The following ZNF236 variants were observed in gnomAD, a reference collection of about 807,000 sequenced individuals.
ZNF236 encodes the protein regulated by glucose.
In ZNF236, 50 loss-of-function variants were observed where a neutral mutation model predicts 191.2. That is an observed-to-expected ratio of 0.26 (90% CI 0.21 to 0.33). ZNF236 has a LOEUF of 0.33. ZNF236 is among the 10% of genes least tolerant of loss of function. The probability of loss-of-function intolerance (pLI) is 1.00; values close to 1 mark genes in which losing one functional copy is unlikely to be tolerated. For missense variants in ZNF236, 1,754 were observed against 2,374.5 expected, an observed-to-expected ratio of 0.74 and a Z score of 5.43; for synonymous variants, 907 against 928.8, an observed-to-expected ratio of 0.98 and a Z score of 0.43.
chr18:76,824,737 C>T (rs1974968812), intron 1 of ZNF236, among the ~76,000 whole-genome samples: 1 of 152,170 alleles, frequency 6.6e-6, no homozygotes, highest in South Asian at 2.1e-4. Context: ...AAGAATTATT[C>T]TATTTCTTTT....
chr18:76,868,280 G>A (rs929424821), intron 3 of ZNF236, among the ~76,000 whole-genome samples: 1 of 152,114 alleles, frequency 6.6e-6, no homozygotes, highest in Non-Finnish European at 1.5e-5. Flanking sequence ...TTTCAAGGTC[G>A]TCTCTTAAAC....
At chr18:76,905,026 T>G (rs1024683309) in intron 12 of ZNF236, 129 bp from the exon 13 acceptor site, 107 of 1,008,632 alleles carry the variant, frequency 1.1e-4, no homozygotes, top group Non-Finnish European at 1.5e-4. Context: ...TGTGGAGAGC[T>G]CCGGCATTGC....
chr18:76,833,254 G>A (rs1975224583), intron 1 of ZNF236, among the ~76,000 whole-genome samples: 1 of 152,128 alleles, frequency 6.6e-6, no homozygotes, highest in Non-Finnish European at 1.5e-5. Flanking sequence ...AATAAATGCG[G>A]TGAATAAGGG....
At position 76,880,032 on chromosome 18, in the gene ZNF236, G is replaced by C; in HGVS notation, c.985-81G>C. Reference sequence around the variant, plus strand: ...TTTTAACACCCTTAAGGAGGGTATTGCCTGTTTTTTTTTTTTTAATTTTCC... The same window carrying C: ...TTTTAACACCCTTAAGGAGGGTATTCCCTGTTTTTTTTTTTTTAATTTTCC... On this transcript the variant is annotated intron_variant, in intron 7 of 30. Coordinates refer to ENST00000320610, the MANE Select transcript of ZNF236 (RefSeq NM_001306089.2). The surrounding 1 kb of genome is among the most constrained non-coding windows in gnomAD (Gnocchi z 5.0). 9.4e-7 allele frequency: 1 copy of C among 1,067,128 alleles called. No individual in the cohort carries two copies. Among genetic ancestry groups the C allele is most frequent in the Non-Finnish European group, 1.3e-6 (1 of 770,946 alleles). 66.1% of individuals were successfully genotyped at this position (1,067,128 alleles called of 1,614,324 possible).
rs556829795 is a variant in ZNF236 at position 76,856,213 on chromosome 18, A to G, written c.363+4274A>G. ...TCTTTTCTTTTTTTTTTTTTGAGAC[A>G]GAGTTTTGCTCTGTTGCCCAGGCTA... On this transcript the variant is annotated intron_variant, in intron 3 of 30. Coordinates refer to ENST00000320610, the MANE Select transcript of ZNF236 (RefSeq NM_001306089.2). Among the ~76,000 whole-genome samples, 6 of 150,830 alleles carry G rather than the reference A, an allele frequency of 4.0e-5. No individual in the cohort carries two copies. In the East Asian group the frequency reaches 1.2e-3, roughly 29 times the overall value.
intron 13 of ZNF236, 127 bp downstream of exon 13, chr18:76,905,542 CAAGAAAAAAAAAAAAAAAAAAAAAAA>C (rs140853503): frequency 0.83 from 682,191 of 817,754 alleles, 276,300 homozygotes; most frequent in East Asian, 0.92. Context: ...TATATGGGCT[CAAGAAAAAAAAAAAAAAAAAAAAAAA>C]AAGAAATGTA....
chr18:76,891,086 G>A (rs1308103138), intron 9 of ZNF236, among the ~76,000 whole-genome samples: 1 of 152,124 alleles, frequency 6.6e-6, no homozygotes, highest in Non-Finnish European at 1.5e-5. Flanking sequence ...AAGTCTTCTG[G>A]TCAACAGGAG....
intron 1 of ZNF236, among the ~76,000 whole-genome samples, chr18:76,842,924 G>T (rs773476597): frequency 2.0e-5 from 3 of 152,108 alleles, no homozygotes; most frequent in Non-Finnish European, 2.9e-5. Context: ...AGTCTTCTCT[G>T]GCTCTCCCAA....
intron 5 of ZNF236, among the ~76,000 whole-genome samples, chr18:76,873,122 G>A (rs549801345): frequency 6.6e-6 from 1 of 152,192 alleles, no homozygotes; most frequent in Non-Finnish European, 1.5e-5. Flanking sequence ...CAGCTTTAAT[G>A]TGTAGTCTTT....
intron 1 of ZNF236, among the ~76,000 whole-genome samples, chr18:76,833,648 A>T (rs1243172421): frequency 6.6e-6 from 1 of 151,924 alleles, no homozygotes; most frequent in African/African-American, 2.4e-5. Flanking sequence ...CTACAATTTT[A>T]TTTTTTTATA....
At chr18:76,910,959 A>G (rs1438831044) in intron 16 of ZNF236, 148 bp downstream of exon 16, 5 of 846,538 alleles carry the variant, frequency 5.9e-6, no homozygotes, top group Non-Finnish European at 8.8e-6. Flanking sequence ...TACCTGGGAA[A>G]TCCTCAGTGT....
chr18:76,967,099 G>A (rs1474717291), intron 30 of ZNF236, among the ~76,000 whole-genome samples: 134 of 77,020 alleles, frequency 1.7e-3, no homozygotes, highest in Non-Finnish European at 2.7e-3. Flanking sequence ...GATGTGATTC[G>A]TGAGATGTGT....
At position 76,880,902 on chromosome 18, in the gene ZNF236, C is replaced by T. The variant is rs1180725542; in HGVS notation, c.1189-382C>T. 2.6e-5 allele frequency among the ~76,000 whole-genome samples: 4 copies of T among 152,146 alleles called. No individual in the cohort carries two copies. Among genetic ancestry groups the T allele is most frequent in the African/African-American group, 9.7e-5 (4 of 41,430 alleles). The stretch of plus-strand genomic sequence containing the variant: ...AGCTGGCCAGGGGTATGAGGAATCT[C>T]AGGGTGTCGTTCTACAGCCGATACC... On this transcript the variant is annotated intron_variant, in intron 8 of 30. Transcript: ENST00000320610. This position sits in a 1 kb window ranked among gnomAD's most constrained non-coding sequence, Gnocchi z 5.0.
At chr18:76,941,124 G>A (rs762585946) in intron 26 of ZNF236, among the ~76,000 whole-genome samples, 1 of 152,188 alleles carries the variant, frequency 6.6e-6, no homozygotes, top group Non-Finnish European at 1.5e-5. Context: ...CAAAAAGGGT[G>A]GGGACTGCTG....
At chr18:76,824,423 T>C (rs752812786) in intron 1 of ZNF236, 3 of 780,952 alleles carry the variant, frequency 3.8e-6, no homozygotes, top group East Asian at 4.8e-5. Flanking sequence ...AGATTTGTAG[T>C]TGGATAACAG....
chr18:76,828,492 A>T (rs1269885775), intron 1 of ZNF236, among the ~76,000 whole-genome samples: 1 of 152,148 alleles, frequency 6.6e-6, no homozygotes, highest in Non-Finnish European at 1.5e-5. Flanking sequence ...AAGCGGCAGG[A>T]GGCAGCCAGA....
chr18:76,935,359 A>C (rs1967963358), intron 25 of ZNF236, among the ~76,000 whole-genome samples: 1 of 152,180 alleles, frequency 6.6e-6, no homozygotes. Flanking sequence ...GAAGTTGTTT[A>C]TTATTTTCAT....
In ZNF236 at chr18:76,912,232, CTT is replaced by C. The variant is rs1568226432; in HGVS notation, c.2806-11_2806-10del. 6 of 1,608,918 alleles carry C rather than the reference CTT, an allele frequency of 3.7e-6. No homozygotes were observed. The highest frequency in any genetic ancestry group is 3.3e-5 in the South Asian group (3 of 90,706). On this transcript the variant is annotated splice_polypyrimidine_tract_variant and intron_variant, in intron 16 of 30. Transcript: ENST00000320610. Reference sequence around the variant, plus strand: ...TTCAAGTAGTTTGCTTTATACTTCTCTTAAATTTTAGACAACTCGCTTGATTC... The same window carrying C: ...TTCAAGTAGTTTGCTTTATACTTCTCAAATTTTAGACAACTCGCTTGATTC...
In ZNF236 at chr18:76,913,862, T is replaced by C. The variant is rs768134934; in HGVS notation, c.3025T>C (p.Ser1009Pro). The change falls in exon 18 of 31, where the codon TCT becomes CCT. Residue 1009 changes from serine (S) to proline (P), a missense_variant. By Grantham distance (74) the Ser-to-Pro change is moderately conservative (BLOSUM62 -1). Around this residue, in one of 5 missense-constraint regions of ZNF236, gnomAD observed 641 missense variants for 869.6 expected, o/e 0.74. Coordinates refer to ENST00000320610, the MANE Select transcript of ZNF236 (RefSeq NM_001306089.2). ...CKLCGRGFVS[S>P]GVLKSHEKTH... Reference sequence around the variant, plus strand: ...GCTCTGTGGACGCGGCTTTGTTTCCTCTGGGGTCCTCAAGTCCCACGAGAA... The same window carrying C: ...GCTCTGTGGACGCGGCTTTGTTTCCCCTGGGGTCCTCAAGTCCCACGAGAA... The C allele has an allele frequency of 9.3e-6, 15 of 1,614,238 alleles. No homozygotes were observed. The South Asian group carries it at 1.4e-4, about 15-fold the overall frequency.
Sources: allele counts gnomAD v4.1 joint callset (sites outside exome capture counted in the v4.1 genomes callset), GRCh38; gene constraint gnomAD v4.1.1; regional missense constraint gnomAD v4.1.1; non-coding constraint Gnocchi (gnomAD v3.1); transcripts MANE v1.5; gene names NCBI Gene and HGNC (gene_info 2026-07-23, HGNC 2026-07-21).